DCAF5: variants seen among roughly 807,000 people sequenced by gnomAD.
DCAF5 encodes the protein DDB1 and CUL4 associated factor 5.
A neutral mutation model predicts 80.7 loss-of-function variants in DCAF5; 9 were observed. That is an observed-to-expected ratio of 0.11 (90% CI 0.07 to 0.19). The LOEUF is 0.19. Ranked by LOEUF, DCAF5 falls within the 10% of genes least tolerant of loss-of-function variation. The pLI, the probability that DCAF5 is intolerant of heterozygous loss-of-function variation, is 1.00. For synonymous variants in DCAF5, 433 were observed against 461.9 expected (o/e 0.94, Z 0.80); for missense variants, 842 against 1,205.7 (o/e 0.70, Z 4.47).
At chr14:69,073,080 G>C (rs2038762183) in intron 7 of DCAF5, among the ~76,000 whole-genome samples, 1 of 152,168 alleles carries the variant, frequency 6.6e-6, no homozygotes, top group Admixed American at 6.5e-5. Context: ...TATCTGGCCT[G>C]GTCAGACTAA....
intron 5 of DCAF5, among the ~76,000 whole-genome samples, chr14:69,107,708 T>C (rs905660858): frequency 1.3e-5 from 2 of 152,152 alleles, no homozygotes; most frequent in African/African-American, 2.4e-5. Flanking sequence ...CCTCTAAGGA[T>C]TTATTCCTGA....
At chr14:69,116,647 C>A in intron 4 of DCAF5, 152 bp from the exon 5 acceptor site, 1 of 845,968 alleles carries the variant, frequency 1.2e-6, no homozygotes, top group South Asian at 1.9e-5. Flanking sequence ...CCACCAGTCA[C>A]CTCTACTTAC....
intron 6 of DCAF5, chr14:69,091,011 T>G (rs770916306): frequency 1.4e-6 from 1 of 707,542 alleles, no homozygotes; most frequent in Admixed American, 2.0e-5. Flanking sequence ...ACTTCAGAAC[T>G]TCTATGGTTA....
chr14:69,074,786 C>A (rs374776494), intron 7 of DCAF5, among the ~76,000 whole-genome samples: 2 of 152,112 alleles, frequency 1.3e-5, no homozygotes, highest in South Asian at 4.1e-4. Flanking sequence ...GTAATGCCAG[C>A]ACTTTGGGAG....
intron 1 of DCAF5, among the ~76,000 whole-genome samples, chr14:69,139,309 C>G (rs980865112): frequency 6.7e-6 from 1 of 149,840 alleles, no homozygotes; most frequent in Non-Finnish European, 1.5e-5. Context: ...AACATAGAGA[C>G]CTTGTCTCTA....
At position 69,054,207 on chromosome 14, in the gene DCAF5, T is replaced by C. The variant is rs772595035; in HGVS notation, c.2479A>G (p.Thr827Ala). Residue 827 changes from threonine to alanine, a missense_variant, in exon 9 of 9, where the codon ACC (threonine) becomes GCC (alanine). Coordinates refer to ENST00000341516, the MANE Select transcript of DCAF5 (RefSeq NM_003861.3). ...CCATTGTTGTGGTTGGCACAGATGG[T>C]TTCGAGGCTCCTCTCCTCACTGTCA... ...SDDSEERSLETICANHNNGRL... is the reference protein window; with the variant it reads ...SDDSEERSLEAICANHNNGRL... 11 of 1,614,182 alleles carry C rather than the reference T, an allele frequency of 6.8e-6. No individual in the cohort carries two copies. The highest frequency in any genetic ancestry group is 9.3e-6 in the Non-Finnish European group (11 of 1,180,020).
At chr14:69,148,502 C>T (rs2041612082) in intron 1 of DCAF5, among the ~76,000 whole-genome samples, 1 of 152,142 alleles carries the variant, frequency 6.6e-6, no homozygotes, top group Admixed American at 6.5e-5. Context: ...TGAGACCAGC[C>T]TGGCCAACAT....
chr14:69,109,112 C>G (rs1307836929), intron 5 of DCAF5, among the ~76,000 whole-genome samples: 1 of 151,926 alleles, frequency 6.6e-6, no homozygotes, highest in Non-Finnish European at 1.5e-5. Context: ...GAGGCTGAGG[C>G]GGGTGGATCA....
intron 5 of DCAF5, among the ~76,000 whole-genome samples, chr14:69,104,224 T>C (rs2040056015): frequency 6.6e-6 from 1 of 152,132 alleles, no homozygotes. Flanking sequence ...AATATGTGAG[T>C]GACTGAGTTT....
chr14:69,116,529 A>G (rs1471254371), intron 4 of DCAF5, 34 bp from the exon 5 acceptor site: 1 of 1,599,356 alleles, frequency 6.3e-7, no homozygotes, highest in East Asian at 2.2e-5. Context: ...AGTTCACTCC[A>G]GGTACCTGTG....
chr14:69,104,714 G>A (rs764841902), intron 5 of DCAF5, among the ~76,000 whole-genome samples: 11 of 151,992 alleles, frequency 7.2e-5, no homozygotes, highest in African/African-American at 1.9e-4. Flanking sequence ...AAAATTAGCC[G>A]AGTGTAGCAG....
chr14:69,142,591 T>A (rs2041410180), intron 1 of DCAF5, among the ~76,000 whole-genome samples: 1 of 152,190 alleles, frequency 6.6e-6, no homozygotes, highest in Non-Finnish European at 1.5e-5. Context: ...CAGTTACACC[T>A]CCCTTTATGA....
rs1426625845 is a variant in DCAF5, at chr14:69,152,568, T to C, written c.214+197A>G. The stretch of plus-strand genomic sequence containing the variant: ...AAGGAGCTGTCAACCATTTTAGGTC[T>C]TTTTTATAGAAGACATCCTCTCCTT... On this transcript the variant is annotated intron_variant, in intron 1 of 8. Transcript: ENST00000341516. The surrounding 1 kb of genome is among the most constrained non-coding windows in gnomAD (Gnocchi z 4.1). 3.4e-6 allele frequency: 2 copies of C among 588,224 alleles called. No homozygotes were observed. The highest frequency in any genetic ancestry group is 3.7e-5 in the African/African-American group (2 of 53,424). 36.4% of individuals were successfully genotyped at this position (588,224 alleles called of 1,614,324 possible). A position where few individuals can be genotyped will look rare whatever the true frequency, so the allele number is the denominator to read the frequency against.
At chr14:69,136,249 G>C (rs912695487) in intron 1 of DCAF5, among the ~76,000 whole-genome samples, 7 of 150,834 alleles carry the variant, frequency 4.6e-5, no homozygotes, top group African/African-American at 1.7e-4. Flanking sequence ...CAGAGTAGTT[G>C]AGACTACAGG....
intron 1 of DCAF5, among the ~76,000 whole-genome samples, chr14:69,150,264 A>AG (rs1464653915): frequency 6.6e-6 from 1 of 152,148 alleles, no homozygotes; most frequent in Non-Finnish European, 1.5e-5. Flanking sequence ...AAAAGGAGCA[A>AG]GGGGCAAAGA....
rs1203370836 is a variant in DCAF5 at position 69,116,211 on chromosome 14, A to G, written c.665+155T>C. On this transcript the variant is annotated intron_variant, in intron 5 of 8. Transcript: ENST00000341516. ...ATTTGTCGCTGTCTATTCCTTGGAA[A>G]CAAGCTCTCCTGGCTTGAGAGACAC... 2.0e-5 allele frequency among the ~76,000 whole-genome samples: 3 copies of G among 152,334 alleles called. No individual in the cohort carries two copies. In the South Asian group the frequency reaches 6.2e-4, roughly 32 times the overall value.
At chr14:69,059,795 C>A (rs1009174331) in intron 8 of DCAF5, among the ~76,000 whole-genome samples, 1 of 152,190 alleles carries the variant, frequency 6.6e-6, no homozygotes, top group Non-Finnish European at 1.5e-5. Flanking sequence ...ATCATCTGTA[C>A]ATACTTAATG....
intron 5 of DCAF5, among the ~76,000 whole-genome samples, chr14:69,100,148 A>G (rs569878623): frequency 2.6e-5 from 4 of 152,226 alleles, no homozygotes; most frequent in Non-Finnish European, 5.9e-5. Context: ...ATGGATATCA[A>G]TAGGAAGATA....
At chr14:69,114,794 G>T (rs1266645713) in intron 5 of DCAF5, among the ~76,000 whole-genome samples, 1 of 152,076 alleles carries the variant, frequency 6.6e-6, no homozygotes, top group Non-Finnish European at 1.5e-5. Context: ...ATTTATTAGT[G>T]AGGAGACAAG....
Sources: allele counts gnomAD v4.1 joint callset (sites outside exome capture counted in the v4.1 genomes callset), GRCh38; gene constraint gnomAD v4.1.1; non-coding constraint Gnocchi (gnomAD v3.1); transcripts MANE v1.5; gene names NCBI Gene and HGNC (gene_info 2026-07-23, HGNC 2026-07-21).